DCST2: variants seen among roughly 807,000 people sequenced by gnomAD.
DCST2 encodes DC-STAMP domain-containing protein 2.
DCST2 carries 64 observed loss-of-function variants against 81.8 expected under a neutral mutation model. The ratio of observed to expected loss-of-function variants is 0.78; its 90% CI spans 0.64 to 0.96. The LOEUF (loss-of-function observed/expected upper bound fraction) is 0.96, where lower values mean the gene tolerates loss of function less well. DCST2 is among the 40% of genes least tolerant of loss of function. The pLI is 0.00. For missense variants in DCST2, 945 were observed against 1,001.4 expected, an observed-to-expected ratio of 0.94 and a Z score of 0.76; for synonymous variants, 354 against 402.6, an observed-to-expected ratio of 0.88 and a Z score of 1.44.
chr1:155,027,549 T>A (rs2102339964), intron 8 of DCST2, among the ~76,000 whole-genome samples: 1 of 144,892 alleles, frequency 6.9e-6, no homozygotes, highest in African/African-American at 2.5e-5. Context: ...AGGAGTTTTT[T>A]ACTTCTTTTT....
chr1:155,024,600 C>A lies in DCST2; in HGVS notation c.1614G>T (p.Glu538Asp). The change falls in exon 11 of 15, where the codon GAG (glutamate) becomes GAT (aspartate). Residue 538 changes from glutamate (E) to aspartate (D), a missense_variant and splice_region_variant. Transcript: ENST00000368424. ...CASYYPSREQ[E>D]RISYLYNVLL... The stretch of plus-strand genomic sequence containing the variant: ...GTACATTGTACAGGTAGGAGATCCT[C>A]TCCTGGTGCGGGGAGATCAGGGATG... 2 of 1,597,142 alleles carry A rather than the reference C, an allele frequency of 1.3e-6. No homozygotes were observed. Among genetic ancestry groups the A allele is most frequent in the South Asian group, 1.1e-5 (1 of 87,096 alleles).
Position 155,030,174 on chromosome 1 carries a change from A to G in DCST2, c.1087T>C (p.Phe363Leu). Residue 363 changes from phenylalanine (F) to leucine (L), a missense_variant, in exon 7 of 15, where the codon TTC becomes CTC. Physicochemically the swap from Phe to Leu is conservative, Grantham distance 22. Transcript: ENST00000368424. ...HYDNIYITSR[F>L]LRMEAVRSTA... is the part of the protein sequence containing the mutation. Reference sequence around the variant, plus strand: ...GAGCGCACAGCCTCCATGCGCAGGAATCGGCTAGTGATGTAGATATTGTCA... The same window carrying G: ...GAGCGCACAGCCTCCATGCGCAGGAGTCGGCTAGTGATGTAGATATTGTCA... 1 of 1,614,170 alleles carries G rather than the reference A, an allele frequency of 6.2e-7. No individual in the cohort carries two copies. The highest frequency in any genetic ancestry group is 1.1e-5 in the South Asian group (1 of 91,092).
In DCST2 at chr1:155,033,531, C is replaced by T. The variant is rs770790531; in HGVS notation, c.171G>A (p.Val57=). The change falls in exon 1 of 15, where the codon GTG becomes GTA. Residue 57 remains valine, a synonymous_variant. Coordinates refer to ENST00000368424, the MANE Select transcript of DCST2 (RefSeq NM_144622.3). ...VEGHSPWGCL[V]GTLTLAAFLS... ...GGAAGGCAGCCAAAGTGAGGGTGCC[C>T]ACCAGGCAACCCCAGGGGCTGTGGC... is the stretch of plus-strand genomic sequence containing the variant. 1.2e-6 allele frequency: 2 copies of T among 1,613,966 alleles called. No homozygotes were observed. The highest frequency in any genetic ancestry group is 1.7e-5 in the Admixed American group (1 of 60,006).
At position 155,024,537 on chromosome 1, in the gene DCST2, G is replaced by A. The variant is rs1380855277; in HGVS notation, c.1677C>T (p.His559=). 1.9e-6 allele frequency: 3 copies of A among 1,610,506 alleles called. No homozygotes were observed. Among genetic ancestry groups the A allele is most frequent in the South Asian group, 2.2e-5 (2 of 89,812 alleles). ...SRRTNLLAAL[H]RSVRRRAADQ... ...CAGCCGCCCGCCGCCTCACTGATCGGTGCAGGGCAGCCAACAGATTGGTTC... is the reference window on the plus strand; with the variant it reads ...CAGCCGCCCGCCGCCTCACTGATCGATGCAGGGCAGCCAACAGATTGGTTC... The change falls in exon 11 of 15, where the codon CAC becomes CAT. Residue 559 remains histidine, a synonymous_variant. Coordinates refer to ENST00000368424, the MANE Select transcript of DCST2 (RefSeq NM_144622.3).
chr1:155,021,053 G>C (rs1659740219), intron 14 of DCST2, among the ~76,000 whole-genome samples: 1 of 151,838 alleles, frequency 6.6e-6, no homozygotes, highest in African/African-American at 2.4e-5. Flanking sequence ...AGGCTAAAAT[G>C]CGGTGGCACA....
Position 155,018,736 on chromosome 1 carries a change from A to C in DCST2, c.2130T>G (p.Pro710=), listed in dbSNP as rs761199509. The change falls in exon 15 of 15, where the codon CCT becomes CCG. Residue 710 remains proline, a synonymous_variant. Coordinates refer to ENST00000368424, the MANE Select transcript of DCST2 (RefSeq NM_144622.3). ...GCTGCTGCCCGTGCTTCCTCTGCTG[A>C]GGCCCCTTCTCCTCATCCAGGTCAC... ...ESSDLDEEKG[P]QQRKHGQQPL... is the part of the protein sequence containing the mutation. 1.2e-6 allele frequency: 2 copies of C among 1,613,322 alleles called. No homozygotes were observed. The highest frequency in any genetic ancestry group is 2.2e-5 in the South Asian group (2 of 91,044).
chr1:155,033,014 G>A, intron 2 of DCST2, 80 bp downstream of exon 2: 2 of 1,422,994 alleles, frequency 1.4e-6, no homozygotes, highest in Non-Finnish European at 1.9e-6. Context: ...CAGAGAAGGA[G>A]GCCAAAGGAC....
chr1:155,023,513 T>C, intron 12 of DCST2, 56 bp from the exon 13 acceptor site: 1 of 1,551,712 alleles, frequency 6.4e-7, no homozygotes. Context: ...CCACCCTCTG[T>C]GCTTCCTGGT....
chr1:155,023,945 C>A lies in DCST2; in HGVS notation c.1757G>T (p.Gly586Val). Residue 586 changes from glycine (G) to valine (V), a missense_variant, in exon 12 of 15, where the codon GGT (glycine) becomes GTT (valine). By Grantham distance (109) the Gly-to-Val change is moderately radical. Coordinates refer to ENST00000368424, the MANE Select transcript of DCST2 (RefSeq NM_144622.3). ...LVLASRCPCL[G>V]PFVSHFWLHQ... ...CAGCCAAAAGTGGCTGACAAATGGA[C>A]CTAGGCAGGGGCACCTGAGAAAAGG... is the stretch of plus-strand genomic sequence containing the variant. The A allele has an allele frequency of 1.2e-6, 2 of 1,613,112 alleles. No homozygotes were observed. Among genetic ancestry groups the A allele is most frequent in the Non-Finnish European group, 1.7e-6 (2 of 1,179,838 alleles).
intron 4 of DCST2, 46 bp from the exon 5 acceptor site, chr1:155,031,280 G>C: frequency 2.0e-6 from 3 of 1,531,160 alleles, no homozygotes; most frequent in Non-Finnish European, 2.6e-6. Context: ...GGCACAGCCA[G>C]GCCTGCCCCC....
In DCST2 at chr1:155,018,789, A is replaced by T. The variant is rs1237822395; in HGVS notation, c.2106-29T>A. ...GTGAGGAGAGGAAGGGGGTGGCCGG[A>T]TCACCCACCTTCTGTCTTCACAGGT... On this transcript the variant is annotated intron_variant, in intron 14 of 14. Transcript: ENST00000368424. 2.5e-6 allele frequency: 4 copies of T among 1,598,382 alleles called. No individual in the cohort carries two copies. In the Admixed American group the frequency reaches 6.9e-5, roughly 28 times the overall value.
chr1:155,028,583 C>CA (rs937790834), intron 8 of DCST2, among the ~76,000 whole-genome samples: 17 of 144,450 alleles, frequency 1.2e-4, no homozygotes, highest in African/African-American at 3.3e-4. Context: ...GACTCCATCT[C>CA]AAAAAAAAAG....
Position 155,026,388 on chromosome 1 carries a change from G to A in DCST2, c.1525C>T (p.Leu509=), listed in dbSNP as rs1430764426. ...CCAAACAGGGTGATGAAGAAGCATA[G>A]GCCATACATGACGCCTGGGAGCACA... ...GYIVIGVMYG[L]CFFITLFGSY... is the part of the protein sequence containing the mutation. The change falls in exon 10 of 15, where the codon CTA becomes TTA. Residue 509 remains leucine (L), a synonymous_variant. Transcript: ENST00000368424. The A allele has an allele frequency of 1.9e-6, 3 of 1,613,800 alleles. No individual in the cohort carries two copies. The Admixed American group carries it at 5.0e-5, about 27-fold the overall frequency.
Position 155,026,625 on chromosome 1 carries a change from T to C in DCST2, c.1433A>G (p.Gln478Arg). The C allele has an allele frequency of 1.2e-6, 2 of 1,614,228 alleles. No individual in the cohort carries two copies. The highest frequency in any genetic ancestry group is 1.7e-6 in the Non-Finnish European group (2 of 1,180,044). Reference protein sequence around the residue: ...DLVSAFDVLQQGNISILSRRC... With the variant: ...DLVSAFDVLQRGNISILSRRC... The stretch of plus-strand genomic sequence containing the variant: ...CCGGGACAAAATACTGATGTTGCCT[T>C]GCTGCAGGACATCAAATGCTGACAC... Residue 478 changes from glutamine (Q) to arginine (R), a missense_variant, in exon 9 of 15, where the codon CAA (glutamine) becomes CGA (arginine). Physicochemically the swap from Gln to Arg is conservative, Grantham distance 43. Transcript: ENST00000368424.
chr1:155,033,483 A>G lies in DCST2; in HGVS notation c.219T>C (p.Ser73=), dbSNP rs769753604. 21 of 1,613,788 alleles carry G rather than the reference A, an allele frequency of 1.3e-5. No homozygotes were observed. Among genetic ancestry groups the G allele is most frequent in the Non-Finnish European group, 1.6e-5 (19 of 1,179,932 alleles). ...AAFLSLGMGF[S]RQVRATVLLL... is the part of the protein sequence containing the mutation. ...GGAGGACAGTGGCTCGGACCTGGCG[A>G]GAGAATCCCATGCCCAGGCTAAGGA... Residue 73 remains serine, a synonymous_variant, in exon 1 of 15, where the codon TCT becomes TCC. Coordinates refer to ENST00000368424, the MANE Select transcript of DCST2 (RefSeq NM_144622.3).
At chr1:155,018,836 C>T in intron 14 of DCST2, 76 bp from the exon 15 acceptor site, 2 of 1,430,078 alleles carry the variant, frequency 1.4e-6, no homozygotes, top group South Asian at 1.2e-5. Context: ...CCCTGCCCTG[C>T]CCCATCTGTT....
At chr1:155,028,923 T>C (rs937726039) in intron 8 of DCST2, among the ~76,000 whole-genome samples, 7 of 150,894 alleles carry the variant, frequency 4.6e-5, no homozygotes, top group African/African-American at 1.5e-4. Flanking sequence ...AGCAACTTGC[T>C]GAAGGTCACC....
chr1:155,022,989 C>A (rs1571542524), intron 14 of DCST2, 128 bp downstream of exon 14: 1 of 1,422,988 alleles, frequency 7.0e-7, no homozygotes, highest in African/African-American at 1.4e-5. Flanking sequence ...ACCTCAGTTA[C>A]TTCCCCTCCC....
Position 155,018,558 on chromosome 1 carries a change from G to C in DCST2, c.2308C>G (p.Pro770Ala). The change falls in exon 15 of 15, where the codon CCA (proline) becomes GCA (alanine). Residue 770 changes from proline (P) to alanine (A), a missense_variant. Pro to Ala is a conservative substitution (Grantham distance 27, BLOSUM62 -1). Transcript: ENST00000368424. The part of the protein sequence containing the change: ...SPPSLPDPSH[P>A]PPK ...CCACTTTTGGTTTATTTGGGGGGTG[G>C]GTGGGAAGGATCAGGAAGAGAGGGA... The C allele has an allele frequency of 1.2e-6, 2 of 1,613,260 alleles. No homozygotes were observed. Among genetic ancestry groups the C allele is most frequent in the Non-Finnish European group, 1.7e-6 (2 of 1,179,552 alleles).
Sources: gnomAD v4.1 joint callset for allele counts (sites outside exome capture counted in the v4.1 genomes callset) on GRCh38, gnomAD v4.1.1 for gene constraint, MANE v1.5 for transcripts, NCBI Gene and HGNC (gene_info 2026-07-23, HGNC 2026-07-21) for gene names.